HACD1: variants seen among roughly 807,000 people sequenced by gnomAD.
The protein encoded by HACD1 is very-long-chain (3R)-3-hydroxyacyl-CoA dehydratase 1.
A neutral mutation model predicts 32.0 loss-of-function variants in HACD1; 41 were observed. The ratio of observed to expected loss-of-function variants is 1.28; its 90% CI spans 1.00 to 1.66. The LOEUF (loss-of-function observed/expected upper bound fraction) is 1.66, where lower values mean the gene tolerates loss of function less well. Among genes scored for constraint, HACD1 ranks in the 40% most tolerant of loss-of-function variants. The pLI is 0.00. For missense variants in HACD1, 396 were observed against 380.1 expected (o/e 1.04, Z -0.35); for synonymous variants, 142 against 139.0 (o/e 1.02, Z -0.15).
chr10:17,617,020 A>T, intron 1 of HACD1, 63 bp downstream of exon 1: 1 of 1,331,468 alleles, frequency 7.5e-7, no homozygotes, highest in Non-Finnish European at 9.6e-7. Context: ...GCGCCCCCTG[A>T]ACCCGGAACC....
At chr10:17,611,730 G>C (rs1051897002) in intron 1 of HACD1, among the ~76,000 whole-genome samples, 7 of 152,132 alleles carry the variant, frequency 4.6e-5, no homozygotes, top group South Asian at 4.1e-4. Context: ...ACTTTGGGAG[G>C]CCGAGGCAGG....
chr10:17,594,691 G>C (rs1554815857), intron 5 of HACD1, among the ~76,000 whole-genome samples: 8 of 151,728 alleles, frequency 5.3e-5, no homozygotes, highest in Non-Finnish European at 1.2e-4. Flanking sequence ...TTTTTGTTTT[G>C]AGATGGAGTT....
At position 17,617,345 on chromosome 10, in the gene HACD1, G is replaced by C; in HGVS notation, c.-6C>G. The stretch of plus-strand genomic sequence containing the variant: ...GCTTCCGTCAGGCGCCCCATGTGCA[G>C]CGCGCAGGGGGCTCGGCGCAGCCAG... On this transcript the variant is annotated 5_prime_UTR_variant, in exon 1 of 7. Coordinates refer to ENST00000361271, the MANE Select transcript of HACD1 (RefSeq NM_014241.4). The C allele has an allele frequency of 7.3e-7, 1 of 1,371,406 alleles. No individual in the cohort carries two copies. Among genetic ancestry groups the C allele is most frequent in the Non-Finnish European group, 9.4e-7 (1 of 1,068,724 alleles). The allele number at this position is 1,371,406 out of a possible 1,614,324, so 85.0% of individuals were successfully genotyped here.
intron 1 of HACD1, among the ~76,000 whole-genome samples, chr10:17,608,696 A>G (rs1554817244): frequency 2.0e-5 from 3 of 152,038 alleles, no homozygotes; most frequent in East Asian, 3.9e-4. Context: ...CATGTTGGCC[A>G]GGCTGGTCTC....
rs781856000 is a variant in HACD1 at position 17,604,058 on chromosome 10, A to G, written c.258-11T>C. The G allele has an allele frequency of 5.3e-6, 8 of 1,515,182 alleles. No homozygotes were observed. Among genetic ancestry groups the G allele is most frequent in the South Asian group, 3.7e-5 (3 of 82,174 alleles). 93.9% of individuals were successfully genotyped at this position (1,515,182 alleles called of 1,614,324 possible). A position where few individuals can be genotyped will look rare whatever the true frequency, so the allele number is the denominator to read the frequency against. On this transcript the variant is annotated splice_polypyrimidine_tract_variant and intron_variant, in intron 1 of 6. Transcript: ENST00000361271. Reference sequence around the variant, plus strand: ...GCTAGAACCAACCACCTAAAAAAAAAAAGTATTTCATAAAGTTCTTTCGAA... The same window carrying G: ...GCTAGAACCAACCACCTAAAAAAAAGAAGTATTTCATAAAGTTCTTTCGAA...
intron 1 of HACD1, among the ~76,000 whole-genome samples, chr10:17,613,144 G>T (rs34523982): frequency 0.18 from 23,667 of 128,664 alleles, 2,220 homozygotes; most frequent in East Asian, 0.32. Flanking sequence ...GTGTGTGTGT[G>T]TGTTTTGTTT....
chr10:17,603,512 G>T, intron 4 of HACD1, 48 bp downstream of exon 4: 1 of 1,467,526 alleles, frequency 6.8e-7, no homozygotes, highest in South Asian at 1.2e-5. Context: ...CCTATGAATG[G>T]AAAGCTTTCC....
At chr10:17,593,246 AT>A (rs2131502682) in intron 6 of HACD1, among the ~76,000 whole-genome samples, 1 of 152,146 alleles carries the variant, frequency 6.6e-6, no homozygotes, top group South Asian at 2.1e-4. Flanking sequence ...AGATGAAATA[AT>A]TTGTATCATG....
chr10:17,590,586 A>C lies in HACD1; in HGVS notation c.785-140T>G, dbSNP rs1162985719. ...TCCCTGGATATTTACAGAGCTCAAG[A>C]CTATAAGAGTGCAAATGGAAGCCCA... On this transcript the variant is annotated intron_variant, in intron 6 of 6. Coordinates refer to ENST00000361271, the MANE Select transcript of HACD1 (RefSeq NM_014241.4). 1.3e-5 allele frequency: 7 copies of C among 535,040 alleles called. No individual in the cohort carries two copies. The East Asian group carries it at 1.6e-4, about 12-fold the overall frequency. The allele number at this position is 535,040 out of a possible 1,614,324, so 33.1% of individuals were successfully genotyped here.
intron 4 of HACD1, 152 bp downstream of exon 4, chr10:17,603,408 C>G: frequency 1.5e-6 from 1 of 651,268 alleles, no homozygotes; most frequent in Admixed American, 3.1e-5. Context: ...TGCTAAGGCA[C>G]TAAGTCAATG....
At chr10:17,609,374 C>T (rs1834197947) in intron 1 of HACD1, among the ~76,000 whole-genome samples, 1 of 151,956 alleles carries the variant, frequency 6.6e-6, no homozygotes, top group African/African-American at 2.4e-5. Context: ...AGAATGGTCT[C>T]GATCTCCTGA....
chr10:17,597,632 G>A (rs751817916), intron 5 of HACD1, among the ~76,000 whole-genome samples: 52 of 152,264 alleles, frequency 3.4e-4, no homozygotes, highest in African/African-American at 1.1e-3. Context: ...TGTAAATTCA[G>A]CACATGAAAA....
At chr10:17,616,644 TAAAAAAAA>T (rs11343373) in intron 1 of HACD1, among the ~76,000 whole-genome samples, 1 of 125,266 alleles carries the variant, frequency 8.0e-6, no homozygotes, top group African/African-American at 3.0e-5. Flanking sequence ...TGCTGTGCTT[TAAAAAAAA>T]AAAAAAAAAA....
At chr10:17,592,219 C>G (rs1833938419) in intron 6 of HACD1, among the ~76,000 whole-genome samples, 1 of 151,796 alleles carries the variant, frequency 6.6e-6, no homozygotes, top group African/African-American at 2.4e-5. Context: ...TGACCTCAAG[C>G]AATCCTCCCA....
At chr10:17,605,453 A>T (rs1834132205) in intron 1 of HACD1, among the ~76,000 whole-genome samples, 1 of 151,594 alleles carries the variant, frequency 6.6e-6, no homozygotes, top group East Asian at 1.9e-4. Context: ...CCAACCTGGG[A>T]AGTGGAGGTT....
In HACD1 at chr10:17,599,296, C is replaced by T; in HGVS notation, c.599G>A (p.Trp200Ter). ...AACTGCAAGATATCGCCACCTGGCC[C>T]ATTTAATGAAGTATGGCAAGTGGTC... ...LLDHLPYFIK[W>*]ARYNFFIILY... is the part of the protein sequence containing the mutation. Residue 200 changes from tryptophan to a stop codon, truncating the protein, a stop_gained, in exon 5 of 7, where the codon TGG becomes TAG. Coordinates refer to ENST00000361271, the MANE Select transcript of HACD1 (RefSeq NM_014241.4). LOFTEE classifies it high-confidence loss of function. 5 of 1,613,846 alleles carry T rather than the reference C, an allele frequency of 3.1e-6. No individual in the cohort carries two copies. The highest frequency in any genetic ancestry group is 4.2e-6 in the Non-Finnish European group (5 of 1,179,958).
chr10:17,613,100 GTGTGTGTGTGT>G (rs1833015602), intron 1 of HACD1, among the ~76,000 whole-genome samples: 296 of 8,012 alleles, frequency 0.037, no homozygotes, highest in African/African-American at 0.16. Flanking sequence ...AATTTGGGGT[GTGTGTGTGTGT>G]GTGTGTGTGT....
chr10:17,609,809 C>T (rs950295514), intron 1 of HACD1, among the ~76,000 whole-genome samples: 11 of 151,724 alleles, frequency 7.3e-5, no homozygotes, highest in Middle Eastern at 6.8e-3. Context: ...GGTGAAACCC[C>T]GTCTCTACTA....
chr10:17,615,825 G>T (rs1554817965), intron 1 of HACD1: 1 of 431,370 alleles, frequency 2.3e-6, no homozygotes, highest in South Asian at 1.6e-5. Context: ...AAATTAATGG[G>T]GCGTGGTGGC....
Sources: allele counts gnomAD v4.1 joint callset (sites outside exome capture counted in the v4.1 genomes callset), GRCh38; gene constraint gnomAD v4.1.1; transcripts MANE v1.5; gene names NCBI Gene and HGNC (gene_info 2026-07-23, HGNC 2026-07-21).